The following CACNA1A variants were observed in gnomAD, a reference collection of about 807,000 sequenced individuals.
CACNA1A encodes the protein calcium voltage-gated channel subunit alpha1 A, also known as voltage-dependent P/Q-type calcium channel subunit alpha-1A.
In CACNA1A, 57 loss-of-function variants were observed where a neutral mutation model predicts 262.4. The ratio of observed to expected loss-of-function variants is 0.22; its 90% CI spans 0.18 to 0.27. The LOEUF (loss-of-function observed/expected upper bound fraction) is 0.27. Ranked by LOEUF, CACNA1A falls within the 10% of genes least tolerant of loss-of-function variation. The probability of loss-of-function intolerance (pLI) is 1.00; values close to 1 mark genes in which losing one functional copy is unlikely to be tolerated. For synonymous variants in CACNA1A, 1,431 were observed against 1,419.3 expected (o/e 1.01, Z -0.18); for missense variants, 2,526 against 3,562.8 (o/e 0.71, Z 7.41).
At chr19:13,366,631 C>T (rs2059216554) in intron 4 of CACNA1A, among the ~76,000 whole-genome samples, 1 of 152,168 alleles carries the variant, frequency 6.6e-6, no homozygotes, top group African/African-American at 2.4e-5. Flanking sequence ...ATTTGACATG[C>T]TGTTCCATTT....
chr19:13,433,027 C>G lies in CACNA1A; in HGVS notation c.539+19849G>C, dbSNP rs922208157. On this transcript the variant is annotated intron_variant, in intron 3 of 46. Transcript: ENST00000360228. ...ACTTAAAAATTAGCCAGGCATCTGGCTCATGCCTGTAATCCCAGCGCTTTG... is the reference window on the plus strand; with the variant it reads ...ACTTAAAAATTAGCCAGGCATCTGGGTCATGCCTGTAATCCCAGCGCTTTG... Among the ~76,000 whole-genome samples, 5 of 152,038 alleles carry G rather than the reference C, an allele frequency of 3.3e-5. No individual in the cohort carries two copies. In the East Asian group the frequency reaches 9.6e-4, roughly 29 times the overall value.
chr19:13,478,730 G>A (rs1303923952), intron 1 of CACNA1A, among the ~76,000 whole-genome samples: 3 of 152,218 alleles, frequency 2.0e-5, no homozygotes, highest in African/African-American at 7.2e-5. Flanking sequence ...CAATCAACAG[G>A]TAAATGGATA....
chr19:13,275,899 T>G lies in CACNA1A; in HGVS notation c.3940A>C (p.Ile1314Leu). The G allele has an allele frequency of 6.2e-7, 1 of 1,613,890 alleles. No individual in the cohort carries two copies. Among genetic ancestry groups the G allele is most frequent in the Non-Finnish European group, 8.5e-7 (1 of 1,179,836 alleles). ...CCACTGACCACTATGAAGTCGAGAA[T>G]ATTCCAGAGGTCACGGAAGTAGGCA... ...QGAYFRDLWN[I>L]LDFIVVSGAL... The change falls in exon 24 of 47, where the codon ATT (isoleucine) becomes CTT (leucine). Residue 1314 changes from isoleucine to leucine, a missense_variant. Transcript: ENST00000360228.
chr19:13,328,791 A>G (rs1367623949), intron 10 of CACNA1A, among the ~76,000 whole-genome samples: 1 of 152,118 alleles, frequency 6.6e-6, no homozygotes, highest in African/African-American at 2.4e-5. Context: ...GCCTAAACTC[A>G]GCAATAAGGT....
At chr19:13,238,054 G>A (rs150477194) in intron 31 of CACNA1A, among the ~76,000 whole-genome samples, 35 of 152,290 alleles carry the variant, frequency 2.3e-4, no homozygotes, top group African/African-American at 7.7e-4. Context: ...GGAGCCAAGT[G>A]GGGGAGGAGA....
intron 45 of CACNA1A, 137 bp from the exon 46 acceptor site, chr19:13,209,146 G>T: frequency 7.3e-7 from 1 of 1,367,382 alleles, no homozygotes; most frequent in Non-Finnish European, 9.9e-7. Flanking sequence ...TGGGTTGGGG[G>T]GAGGGGGTAG....
rs1982986796 is a variant in CACNA1A at position 13,505,952 on chromosome 19, G to A, written c.273C>T (p.Ala91=). The change falls in exon 1 of 47, where the codon GCC becomes GCT. Residue 91 remains alanine, a synonymous_variant. Coordinates refer to ENST00000360228, the MANE Select transcript of CACNA1A (RefSeq NM_001127222.2). Reference sequence around the variant, plus strand: ...GATATGGCCATTCGGTGATCTTTTTGGCGTATTTTCTCACCACGTTGTCTT... The same window carrying A: ...GATATGGCCATTCGGTGATCTTTTTAGCGTATTTTCTCACCACGTTGTCTT... ...FSEDNVVRKY[A]KKITEWPPFE... 1 of 1,613,382 alleles carries A rather than the reference G, an allele frequency of 6.2e-7. No homozygotes were observed. The highest frequency in any genetic ancestry group is 8.5e-7 in the Non-Finnish European group (1 of 1,179,712).
chr19:13,501,098 T>G (rs1288843069), intron 1 of CACNA1A, among the ~76,000 whole-genome samples: 1 of 152,054 alleles, frequency 6.6e-6, no homozygotes, highest in Non-Finnish European at 1.5e-5. Context: ...ATATCTTGAT[T>G]TGGGTGGTGG....
rs1292043768 is a variant in CACNA1A at position 13,434,460 on chromosome 19, C to A, written c.539+18416G>T. On this transcript the variant is annotated intron_variant, in intron 3 of 46. Coordinates refer to ENST00000360228, the MANE Select transcript of CACNA1A (RefSeq NM_001127222.2). Reference sequence around the variant, plus strand: ...ACCAAATCTTATGGCGAATTGTAATCCCCAATGTTGGAGGTGGGGCCTGGT... The same window carrying A: ...ACCAAATCTTATGGCGAATTGTAATACCCAATGTTGGAGGTGGGGCCTGGT... 2.0e-5 allele frequency among the ~76,000 whole-genome samples: 3 copies of A among 152,148 alleles called. No homozygotes were observed. In the East Asian group the frequency reaches 5.8e-4, roughly 29 times the overall value.
At chr19:13,422,287 C>T (rs555644831) in intron 3 of CACNA1A, among the ~76,000 whole-genome samples, 1 of 152,310 alleles carries the variant, frequency 6.6e-6, no homozygotes, top group South Asian at 2.1e-4. Context: ...TACCACTGCA[C>T]TTCAGCCTGG....
chr19:13,313,643 G>T (rs1410034094), intron 11 of CACNA1A, among the ~76,000 whole-genome samples: 3 of 152,070 alleles, frequency 2.0e-5, no homozygotes, highest in Admixed American at 1.3e-4. Context: ...CGATGAGAAG[G>T]ATCGGATATA....
At chr19:13,258,959 G>C (rs1185699457) in intron 27 of CACNA1A, 4 of 151,498 alleles carry the variant, frequency 2.6e-5, no homozygotes, top group Non-Finnish European at 5.9e-5. Context: ...CAGGGATAGG[G>C]GTCTCCTTCT....
chr19:13,341,520 T>C (rs2056364184), intron 6 of CACNA1A, among the ~76,000 whole-genome samples: 1 of 152,204 alleles, frequency 6.6e-6, no homozygotes, highest in South Asian at 2.1e-4. Flanking sequence ...CTCCTCCCCT[T>C]TTCCCTCGCT....
intron 29 of CACNA1A, among the ~76,000 whole-genome samples, chr19:13,253,639 G>A (rs1196585183): frequency 2.0e-5 from 3 of 151,514 alleles, no homozygotes; most frequent in Non-Finnish European, 4.4e-5. Flanking sequence ...TAGAGACAGC[G>A]TTTCACCGTG....
At chr19:13,208,089 A>AAGAT in intron 46 of CACNA1A, 36 bp from the exon 47 acceptor site, 1 of 1,259,200 alleles carries the variant, frequency 7.9e-7, no homozygotes, top group Non-Finnish European at 1.0e-6. Flanking sequence ...ATCAAAAAAA[A>AAGAT]AGATACAACA....
At chr19:13,462,343 G>T (rs2061139090) in intron 1 of CACNA1A, among the ~76,000 whole-genome samples, 1 of 152,118 alleles carries the variant, frequency 6.6e-6, no homozygotes, top group Non-Finnish European at 1.5e-5. Flanking sequence ...GTGTGAAGAA[G>T]CCAAACAGAC....
At chr19:13,263,727 GC>G (rs2056795180) in intron 24 of CACNA1A, among the ~76,000 whole-genome samples, 1 of 151,458 alleles carries the variant, frequency 6.6e-6, no homozygotes, top group Admixed American at 6.6e-5. Flanking sequence ...CACCATGTTG[GC>G]CAGGCTGGTC....
intron 3 of CACNA1A, among the ~76,000 whole-genome samples, chr19:13,398,718 T>C (rs2059849606): frequency 6.6e-6 from 1 of 152,196 alleles, no homozygotes; most frequent in African/African-American, 2.4e-5. Context: ...GTTGGAGAAT[T>C]ATATAAAAGC....
chr19:13,340,646 C>T (rs1424360839), intron 6 of CACNA1A, among the ~76,000 whole-genome samples: 2 of 151,990 alleles, frequency 1.3e-5, no homozygotes, highest in African/African-American at 2.4e-5. Flanking sequence ...AGGCTGGTCT[C>T]GAACTCCCGA....
Sources: gnomAD v4.1 joint callset for allele counts (sites outside exome capture counted in the v4.1 genomes callset) on GRCh38, gnomAD v4.1.1 for gene constraint, MANE v1.5 for transcripts, NCBI Gene and HGNC (gene_info 2026-07-23, HGNC 2026-07-21) for gene names.